Variants in GPR55 observed in about 807,000 individuals in gnomAD.
The protein encoded by GPR55 is G-protein coupled receptor 55.
A neutral mutation model predicts 7.9 loss-of-function variants in GPR55; 6 were observed. That is an observed-to-expected ratio of 0.76 (90% CI 0.41 to 1.49). GPR55 has a LOEUF of 1.49. Among genes scored for constraint, GPR55 ranks in the 40% most tolerant of loss-of-function variants. The probability of loss-of-function intolerance (pLI) is 0.01; values close to 1 mark genes in which losing one functional copy is unlikely to be tolerated. For synonymous variants in GPR55, 183 were observed against 166.8 expected (o/e 1.10, Z -0.75); for missense variants, 376 against 406.0 (o/e 0.93, Z 0.63).
At chr2:230,934,166 C>A (rs1204640175) in intron 1 of GPR55, among the ~76,000 whole-genome samples, 3 of 152,162 alleles carry the variant, frequency 2.0e-5, no homozygotes, top group Admixed American at 6.5e-5. Flanking sequence ...CCCCTCCCTG[C>A]ACTGGCTGTT....
chr2:230,935,354 G>T (rs966723894), intron 1 of GPR55, among the ~76,000 whole-genome samples: 1 of 152,194 alleles, frequency 6.6e-6, no homozygotes, highest in African/African-American at 2.4e-5. Flanking sequence ...GGAAGCGAAG[G>T]CTGACGGGCT....
rs1395280884 is a variant in GPR55, at chr2:230,923,301, G to A, written c.-135+1867C>T. ...TGGCCCTTCCTGCAGCTGCCAGGCT[G>A]TTATCTGCACAGAGCATTGCAGCGT... On this transcript the variant is annotated intron_variant, in intron 1 of 1. Transcript: ENST00000650999. This position sits in a 1 kb window ranked among gnomAD's most constrained non-coding sequence, Gnocchi z 4.1. 6.6e-6 allele frequency among the ~76,000 whole-genome samples: 1 copy of A among 152,306 alleles called. No homozygotes were observed. The highest frequency in any genetic ancestry group is 2.1e-4 in the South Asian group (1 of 4,830).
At chr2:230,933,855 T>C (rs73992984) in intron 1 of GPR55, among the ~76,000 whole-genome samples, 131 of 152,300 alleles carry the variant, frequency 8.6e-4, no homozygotes, top group African/African-American at 3.1e-3. Context: ...AGATGCAGGA[T>C]GCAGGGGATG....
chr2:230,925,383 G>C (rs530977346), upstream of GPR55, among the ~76,000 whole-genome samples: 2 of 152,270 alleles, frequency 1.3e-5, no homozygotes, highest in African/African-American at 4.8e-5. Flanking sequence ...GAGAGGCTGT[G>C]TGGAACTAGA....
At chr2:230,942,350 C>A (rs759475253) in intron 1 of GPR55, among the ~76,000 whole-genome samples, 1 of 152,200 alleles carries the variant, frequency 6.6e-6, no homozygotes, top group African/African-American at 2.4e-5. Context: ...GTGTCCCCAG[C>A]AGAGCAGCTG....
chr2:230,938,589 C>T (rs1336210460), intron 1 of GPR55, among the ~76,000 whole-genome samples: 1 of 152,162 alleles, frequency 6.6e-6, no homozygotes, highest in Non-Finnish European at 1.5e-5. Context: ...ATGCTGGGAT[C>T]AGAGAATAAA....
chr2:230,916,457 GAGGCTGCAGTGAGCCATGATCGTGCC>G (rs1690718077), intron 1 of GPR55, among the ~76,000 whole-genome samples: 1 of 152,136 alleles, frequency 6.6e-6, no homozygotes, highest in East Asian at 1.9e-4. Context: ...CCAGGAGTTT[GAGGCTGCAGTGAGCCATGATCGTGCC>G]ACTGCACTCC....
At chr2:230,934,108 T>TC (rs1338817786) in intron 1 of GPR55, among the ~76,000 whole-genome samples, 7 of 152,078 alleles carry the variant, frequency 4.6e-5, no homozygotes, top group Non-Finnish European at 1.0e-4. Context: ...GACTGGACTG[T>TC]CCCCCAGGGG....
rs553457823 is a variant in GPR55 at position 230,918,821 on chromosome 2, G to A, written c.-135+6347C>T. On this transcript the variant is annotated intron_variant, in intron 1 of 1. Transcript: ENST00000650999. ...AAAAAGTCATCCAATTGTATAAATA[G>A]TTTTTTGAGTTATTTAACTAATGGA... Among the ~76,000 whole-genome samples, 7 of 152,184 alleles carry A rather than the reference G, an allele frequency of 4.6e-5. No homozygotes were observed. In the East Asian group the frequency reaches 7.7e-4, roughly 17 times the overall value.
intron 1 of GPR55, among the ~76,000 whole-genome samples, chr2:230,913,820 C>T (rs909451717): frequency 6.6e-6 from 1 of 152,052 alleles, no homozygotes; most frequent in African/African-American, 2.4e-5. Context: ...TGTTGCAACA[C>T]CAAAGAGGAA....
intron 1 of GPR55, among the ~76,000 whole-genome samples, chr2:230,922,497 C>T (rs3111781): frequency 0.14 from 21,037 of 152,142 alleles, 1,465 homozygotes; most frequent in Middle Eastern, 0.18. Flanking sequence ...CACCTCAGCC[C>T]TCCGAGTAGC....
chr2:230,932,986 T>G (rs116199802), intron 1 of GPR55, among the ~76,000 whole-genome samples: 3,901 of 152,272 alleles, frequency 0.026, 153 homozygotes, highest in African/African-American at 0.09. Flanking sequence ...AGCCCCAGGA[T>G]CGTGCTCTCA....
upstream of GPR55, chr2:230,929,770 G>A (rs939831558): frequency 6.6e-6 from 1 of 152,240 alleles, no homozygotes; most frequent in Non-Finnish European, 1.5e-5. Context: ...GAAGTTTACA[G>A]AGAGCACAGG....
chr2:230,938,173 A>G lies in GPR55; in HGVS notation c.-135+22602T>C, dbSNP rs1307066130. On this transcript the variant is annotated intron_variant, in intron 1 of 1. Coordinates refer to the GPR55 transcript ENST00000392039. ...AAAAAAAAAAAAAAAAAAAAAAAAA[A>G]GCTTAGACTCATTCTCATACTAATA... is the stretch of plus-strand genomic sequence containing the variant. Among the ~76,000 whole-genome samples the G allele has an allele frequency of 2.8e-5, 4 of 142,030 alleles. No homozygotes were observed. In the South Asian group the frequency reaches 8.9e-4, roughly 32 times the overall value. 93.2% of individuals were successfully genotyped at this position (142,030 alleles called of 152,430 possible). A position where few individuals can be genotyped will look rare whatever the true frequency, so the allele number is the denominator to read the frequency against.
At chr2:230,926,430 A>G (rs1435481113), upstream of GPR55, among the ~76,000 whole-genome samples, 2 of 152,212 alleles carry the variant, frequency 1.3e-5, no homozygotes, top group Non-Finnish European at 2.9e-5. Flanking sequence ...CACCAGCCCA[A>G]TCTAAGCCAA....
At chr2:230,933,848 T>C (rs1175349254) in intron 1 of GPR55, among the ~76,000 whole-genome samples, 1 of 152,144 alleles carries the variant, frequency 6.6e-6, no homozygotes, top group Non-Finnish European at 1.5e-5. Flanking sequence ...GGGTGGGAGA[T>C]GCAGGATGCA....
Position 230,923,725 on chromosome 2 carries a change from C to G in GPR55, c.-135+1443G>C, listed in dbSNP as rs1690890788. ...CTCCTAGGAGATTGCCCTAATTATG[C>G]CCATTTTACAGATAAGGACAGTAAG... On this transcript the variant is annotated intron_variant, in intron 1 of 1. Coordinates refer to ENST00000650999, the MANE Select transcript of GPR55 (RefSeq NM_005683.4). This position sits in a 1 kb window ranked among gnomAD's most constrained non-coding sequence, Gnocchi z 4.1. Among the ~76,000 whole-genome samples, 1 of 152,050 alleles carries G rather than the reference C, an allele frequency of 6.6e-6. No individual in the cohort carries two copies. The highest frequency in any genetic ancestry group is 1.5e-5 in the Non-Finnish European group (1 of 68,012).
In GPR55 at chr2:230,911,069, A is replaced by C. The variant is rs760946910; in HGVS notation, c.-107T>G. 2 of 1,139,962 alleles carry C rather than the reference A, an allele frequency of 1.8e-6. No individual in the cohort carries two copies. The highest frequency in any genetic ancestry group is 2.5e-6 in the Non-Finnish European group (2 of 791,930). The allele number at this position is 1,139,962 out of a possible 1,614,324, so 70.6% of individuals were successfully genotyped here. A position where few individuals can be genotyped will look rare whatever the true frequency, so the allele number is the denominator to read the frequency against. On this transcript the variant is annotated 5_prime_UTR_variant, in exon 2 of 2. Coordinates refer to ENST00000650999, the MANE Select transcript of GPR55 (RefSeq NM_005683.4). The stretch of plus-strand genomic sequence containing the variant: ...ATCACAAACACCTCCCCAGCATCAC[A>C]CAGCAATTCATGCCCATTGAATCAC...
intron 1 of GPR55, among the ~76,000 whole-genome samples, chr2:230,938,608 C>T (rs1303712155): frequency 6.6e-6 from 1 of 152,122 alleles, no homozygotes; most frequent in Non-Finnish European, 1.5e-5. Context: ...AATGAAGATC[C>T]CAGGTGCTCA....
Sources: allele counts gnomAD v4.1 joint callset (sites outside exome capture counted in the v4.1 genomes callset), GRCh38; gene constraint gnomAD v4.1.1; non-coding constraint Gnocchi (gnomAD v3.1); transcripts MANE v1.5; gene names NCBI Gene and HGNC (gene_info 2026-07-23, HGNC 2026-07-21).